ELFN1: variants seen among roughly 807,000 people sequenced by gnomAD.
ELFN1 encodes extracellular leucine rich repeat and fibronectin type III domain containing 1.
In ELFN1, 6 loss-of-function variants were observed where a neutral mutation model predicts 7.6. That is an observed-to-expected ratio of 0.79 (90% CI 0.43 to 1.56). The LOEUF (loss-of-function observed/expected upper bound fraction) is 1.56, where lower values mean the gene tolerates loss of function less well. Ranked by LOEUF, ELFN1 falls within the 40% of genes most tolerant of loss-of-function variation. ELFN1 has a pLI of 0.01. For missense variants in ELFN1, 1,169 were observed against 1,232.2 expected, an observed-to-expected ratio of 0.95 and a Z score of 0.77; for synonymous variants, 657 against 588.1, an observed-to-expected ratio of 1.12 and a Z score of -1.70.
intron 3 of ELFN1, among the ~76,000 whole-genome samples, chr7:1,741,089 C>T (rs572540555): frequency 1.3e-4 from 19 of 145,340 alleles, no homozygotes; most frequent in African/African-American, 4.6e-4. Context: ...GAGATTGCAC[C>T]ACTGCACTCC....
intron 2 of ELFN1, chr7:1,693,407 G>C: frequency 2.1e-6 from 1 of 471,222 alleles, no homozygotes; most frequent in Non-Finnish European, 4.4e-6. Flanking sequence ...TGCCTGAGTA[G>C]GTATGTGCAC....
Position 1,745,373 on chromosome 7 carries a change from G to A in ELFN1, c.777G>A (p.Val259=), listed in dbSNP as rs1289399340. 6 of 1,538,982 alleles carry A rather than the reference G, an allele frequency of 3.9e-6. No individual in the cohort carries two copies. The Admixed American group carries it at 7.9e-5, about 20-fold the overall frequency. The change falls in exon 4 of 4, where the codon GTG becomes GTA. Residue 259 remains valine (V), a synonymous_variant. Coordinates refer to ENST00000424383, the MANE Select transcript of ELFN1 (RefSeq NM_001128636.4). ...VCTEDSYAAE[V]VGPPRPASGR... ...CCGAGGACTCGTACGCGGCTGAGGTGGTCGGGCCCCCACGTCCAGCATCCG... is the reference window on the plus strand; with the variant it reads ...CCGAGGACTCGTACGCGGCTGAGGTAGTCGGGCCCCCACGTCCAGCATCCG...
intron 3 of ELFN1, among the ~76,000 whole-genome samples, chr7:1,734,723 A>T (rs1583391006): frequency 6.7e-6 from 1 of 148,516 alleles, no homozygotes; most frequent in South Asian, 2.1e-4. Context: ...TTTTTTTGAG[A>T]CAGGATCTCT....
At chr7:1,714,043 G>A (rs1318029412) in intron 3 of ELFN1, among the ~76,000 whole-genome samples, 3 of 152,180 alleles carry the variant, frequency 2.0e-5, no homozygotes, top group African/African-American at 7.2e-5. Context: ...CCGAGTCCCC[G>A]CATTTGAAGT....
intron 2 of ELFN1, among the ~76,000 whole-genome samples, chr7:1,703,056 G>C (rs1012319055): frequency 6.6e-6 from 1 of 152,172 alleles, no homozygotes; most frequent in African/African-American, 2.4e-5. Context: ...TTTTTAGTTT[G>C]GTGTTTTTGT....
chr7:1,690,761 G>A (rs915292049), intron 2 of ELFN1, among the ~76,000 whole-genome samples: 118 of 150,344 alleles, frequency 7.8e-4, no homozygotes, highest in Non-Finnish European at 1.6e-3. Context: ...AGGTGGGTGG[G>A]TGGATGGATG....
intron 1 of ELFN1, among the ~76,000 whole-genome samples, chr7:1,675,476 C>T (rs1778851255): frequency 6.6e-6 from 1 of 152,254 alleles, no homozygotes; most frequent in Non-Finnish European, 1.5e-5. Context: ...CCCGTGTTTA[C>T]CGACAGATCC....
chr7:1,673,301 C>T lies in ELFN1; in HGVS notation c.-549+2947C>T, dbSNP rs1778804420. Among the ~76,000 whole-genome samples the T allele has an allele frequency of 1.3e-5, 2 of 152,214 alleles. No individual in the cohort carries two copies. Among genetic ancestry groups the T allele is most frequent in the South Asian group, 4.1e-4 (2 of 4,822 alleles). ...GGCCGGAGAGGGTGGTGGAGGGGTCCTATGTCTGGCGTCTGTGTCCTGTTG... is the reference window on the plus strand; with the variant it reads ...GGCCGGAGAGGGTGGTGGAGGGGTCTTATGTCTGGCGTCTGTGTCCTGTTG... On this transcript the variant is annotated intron_variant, in intron 1 of 3. Transcript: ENST00000424383. This position sits in a 1 kb window ranked among gnomAD's most constrained non-coding sequence, Gnocchi z 4.7.
intron 1 of ELFN1, among the ~76,000 whole-genome samples, chr7:1,676,399 G>T (rs969274534): frequency 2.0e-5 from 3 of 152,224 alleles, no homozygotes; most frequent in Non-Finnish European, 2.9e-5. Context: ...GCCCGGGCTG[G>T]GGAGCCTCTG....
intron 3 of ELFN1, among the ~76,000 whole-genome samples, chr7:1,737,807 G>C (rs1780491937): frequency 6.6e-6 from 1 of 152,160 alleles, no homozygotes; most frequent in African/African-American, 2.4e-5. Context: ...CCACCCTCCA[G>C]ACAGGCCCAG....
chr7:1,689,740 C>T (rs534939668), intron 2 of ELFN1, among the ~76,000 whole-genome samples: 8 of 152,318 alleles, frequency 5.3e-5, no homozygotes, highest in African/African-American at 1.9e-4. Flanking sequence ...ATCACGTGCC[C>T]ATTACAGGTG....
rs1466429906 is a variant in ELFN1 at position 1,740,696 on chromosome 7, G to C, written c.-293-3608G>C. Among the ~76,000 whole-genome samples the C allele has an allele frequency of 6.6e-6, 1 of 152,084 alleles. No homozygotes were observed. Among genetic ancestry groups the C allele is most frequent in the African/African-American group, 2.4e-5 (1 of 41,412 alleles). The stretch of plus-strand genomic sequence containing the variant: ...CGGGCCACCCCCCGAACCCCTCCTA[G>C]CACAGCACCTGTCCAGCCTCTCCCC... On this transcript the variant is annotated intron_variant, in intron 3 of 3. Transcript: ENST00000424383. This position sits in a 1 kb window ranked among gnomAD's most constrained non-coding sequence, Gnocchi z 5.0.
chr7:1,698,444 A>T (rs955649303), intron 2 of ELFN1, among the ~76,000 whole-genome samples: 6 of 152,190 alleles, frequency 3.9e-5, no homozygotes, highest in Non-Finnish European at 8.8e-5. Context: ...AGATGGGGCG[A>T]GGGGGCCTGG....
intron 3 of ELFN1, among the ~76,000 whole-genome samples, chr7:1,725,896 ACACT>A (rs761132210): frequency 2.6e-4 from 39 of 151,898 alleles, no homozygotes; most frequent in Admixed American, 3.9e-4. Context: ...ACACAAATAC[ACACT>A]CACACAAAAA....
intron 2 of ELFN1, among the ~76,000 whole-genome samples, chr7:1,706,052 G>A (rs1409415746): frequency 6.6e-6 from 1 of 152,162 alleles, no homozygotes; most frequent in African/African-American, 2.4e-5. Flanking sequence ...TCGCTGAGCT[G>A]CCAGCCTAGC....
At chr7:1,698,611 C>G (rs1327569522) in intron 2 of ELFN1, among the ~76,000 whole-genome samples, 3 of 152,100 alleles carry the variant, frequency 2.0e-5, no homozygotes, top group Non-Finnish European at 4.4e-5. Flanking sequence ...ATTTCAAAAG[C>G]AATATACATG....
chr7:1,678,382 C>T (rs898949247), intron 1 of ELFN1, among the ~76,000 whole-genome samples: 3 of 152,220 alleles, frequency 2.0e-5, no homozygotes, highest in African/African-American at 7.2e-5. Flanking sequence ...CCCTGCGGCC[C>T]TGCATGTCAG....
chr7:1,680,952 G>A (rs983884931), intron 1 of ELFN1, among the ~76,000 whole-genome samples: 2 of 152,174 alleles, frequency 1.3e-5, no homozygotes, highest in Middle Eastern at 6.8e-3. Context: ...ATGTTGACCA[G>A]GCTGGTCTCG....
chr7:1,740,143 C>T lies in ELFN1; in HGVS notation c.-293-4161C>T, dbSNP rs898212762. 6.6e-6 allele frequency among the ~76,000 whole-genome samples: 1 copy of T among 152,160 alleles called. No individual in the cohort carries two copies. On this transcript the variant is annotated intron_variant, in intron 3 of 3. Transcript: ENST00000424383. The surrounding 1 kb of genome is among the most constrained non-coding windows in gnomAD (Gnocchi z 5.0). ...TGGAGGTATCAGACCTGAGGGGTGCCCATTCCAGAGGCGCCACGGCCTCTG... is the reference window on the plus strand; with the variant it reads ...TGGAGGTATCAGACCTGAGGGGTGCTCATTCCAGAGGCGCCACGGCCTCTG...
Sources: gnomAD v4.1 joint callset for allele counts (sites outside exome capture counted in the v4.1 genomes callset) on GRCh38, gnomAD v4.1.1 for gene constraint, Gnocchi (gnomAD v3.1) non-coding constraint, MANE v1.5 for transcripts, NCBI Gene and HGNC (gene_info 2026-07-23, HGNC 2026-07-21) for gene names.